The following EMG1 variants were observed in gnomAD, a reference collection of about 807,000 sequenced individuals.
The protein encoded by EMG1 is EMG1 N1-specific pseudouridine methyltransferase.
Under a neutral mutation model 26.9 loss-of-function variants are expected in EMG1, and 24 were observed. The observed-to-expected ratio is 0.89, with a 90% CI of 0.65 to 1.26. The LOEUF (loss-of-function observed/expected upper bound fraction) is 1.26, where lower values mean the gene tolerates loss of function less well. Ranked by LOEUF, EMG1 falls within the 50% of genes most tolerant of loss-of-function variation. The pLI is 0.00. For synonymous variants in EMG1, 140 were observed against 112.6 expected (o/e 1.24, Z -1.54); for missense variants, 299 against 307.6 (o/e 0.97, Z 0.21).
Position 6,975,259 on chromosome 12 carries a change from C to A in EMG1, c.502C>A (p.Pro168Thr). The A allele has an allele frequency of 6.2e-7, 1 of 1,613,714 alleles. No homozygotes were observed. Among genetic ancestry groups the A allele is most frequent in the Non-Finnish European group, 8.5e-7 (1 of 1,179,728 alleles). The change falls in exon 5 of 6, where the codon CCA becomes ACA. Residue 168 changes from proline to threonine, a missense_variant. Transcript: ENST00000599672. ...TAAGAATCCAGTATCAGATCACTTT[C>A]CAGTTGGATGTATGAAAGTTGGCAC... is the stretch of plus-strand genomic sequence containing the variant. The part of the protein sequence containing the change: ...VIKNPVSDHF[P>T]VGCMKVGTSF...
chr12:6,980,919 A>G (rs1946464064), downstream of EMG1: 13 of 1,362,520 alleles, frequency 9.5e-6, no homozygotes, highest in Non-Finnish European at 1.2e-5. Flanking sequence ...TGCCAGGGTC[A>G]TGCTGGAGAA....
chr12:6,971,290 T>G (rs75079389), intron 1 of EMG1, among the ~76,000 whole-genome samples, 199 bp downstream of exon 1: 1 of 150,884 alleles, frequency 6.6e-6, no homozygotes, highest in East Asian at 1.9e-4. Context: ...TTTTTTTTTT[T>G]TGAGACGGAG....
At position 6,979,682 on chromosome 12, in the gene EMG1, C is replaced by G. The variant is rs1266337361; in HGVS notation, c.*3873C>G. 36 of 778,540 alleles carry G rather than the reference C, an allele frequency of 4.6e-5. No individual in the cohort carries two copies. Among genetic ancestry groups the G allele is most frequent in the Middle Eastern group, 2.3e-4 (1 of 4,410 alleles). 48.2% of individuals were successfully genotyped at this position (778,540 alleles called of 1,614,324 possible). ...GAGGAGTGTTTAGGGGTGTGGTTGT[C>G]TACCTGGAATGGGATGAGAAGCTCT... is the stretch of plus-strand genomic sequence containing the variant. On this transcript the variant is annotated 3_prime_UTR_variant, in exon 6 of 6. Coordinates refer to ENST00000599672, the MANE Select transcript of EMG1 (RefSeq NM_006331.8).
intron 6 of EMG1, among the ~76,000 whole-genome samples, chr12:6,985,771 GTTT>G (rs1220627223): frequency 7.4e-6 from 1 of 135,680 alleles, no homozygotes; most frequent in Non-Finnish European, 1.6e-5. Flanking sequence ...ATCAACTGGT[GTTT>G]TTTTTTTTTT....
chr12:6,972,965 G>A (rs782780131), intron 1 of EMG1, among the ~76,000 whole-genome samples: 15 of 151,530 alleles, frequency 9.9e-5, no homozygotes, highest in African/African-American at 3.1e-4. Flanking sequence ...ATCCTCCTGA[G>A]TAACTGGGAC....
rs1851401591 is a variant in EMG1 at position 6,977,816 on chromosome 12, C to T, written c.*2007C>T. On this transcript the variant is annotated 3_prime_UTR_variant, in exon 6 of 6. Transcript: ENST00000599672. The surrounding 1 kb of genome is among the most constrained non-coding windows in gnomAD (Gnocchi z 4.5). ...TGCATCCCGCCACCTGCCTCTGGGT[C>T]CTCACCCTGAGGATTGGATTGGAGT... The T allele has an allele frequency of 7.7e-6, 12 of 1,566,304 alleles. No individual in the cohort carries two copies. The highest frequency in any genetic ancestry group is 3.5e-4 in the Middle Eastern group (2 of 5,668).
intron 1 of EMG1, among the ~76,000 whole-genome samples, 161 bp from the exon 2 acceptor site, chr12:6,974,178 C>T (rs137975716): frequency 6.6e-6 from 1 of 152,234 alleles, no homozygotes; most frequent in Non-Finnish European, 1.5e-5. Flanking sequence ...GGCTCCACCC[C>T]CAGTGTTCCT....
chr12:6,997,072 C>G (rs1946642878), intron 7 of EMG1, among the ~76,000 whole-genome samples: 1 of 152,160 alleles, frequency 6.6e-6, no homozygotes, highest in African/African-American at 2.4e-5. Flanking sequence ...GATGTTTATG[C>G]CACTGATATA....
Position 6,974,603 on chromosome 12 carries a change from GT to G in EMG1, c.325del (p.Tyr109IlefsTer9). On this transcript the variant is annotated frameshift_variant, in exon 3 of 6. Transcript: ENST00000599672. LOFTEE classifies it high-confidence loss of function. ...SPLNRAGLLQVYIHTQKNVLI... is the reference protein window; with the variant it reads ...SPLNRAGLLQXYIHTQKNVLI... The stretch of plus-strand genomic sequence containing the variant: ...CCTGAACCGAGCTGGCTTGCTACAG[GT>G]TTATATCCATACACAGAAGAATGTT... 1 of 1,613,988 alleles carries G rather than the reference GT, an allele frequency of 6.2e-7. No homozygotes were observed.
chr12:6,975,396 C>A lies in EMG1; in HGVS notation c.621+18C>A. On this transcript the variant is annotated intron_variant, in intron 5 of 5. Transcript: ENST00000599672. The stretch of plus-strand genomic sequence containing the variant: ...ATGGCAAGGTAAGGTCTGGGCTCAA[C>A]CCTGAAATTCTTGGTAGAGCTGAAC... The A allele has an allele frequency of 6.4e-7, 1 of 1,573,948 alleles. No individual in the cohort carries two copies. Among genetic ancestry groups the A allele is most frequent in the East Asian group, 2.3e-5 (1 of 43,854 alleles).
chr12:6,974,875 G>A, intron 3 of EMG1, 182 bp downstream of exon 3: 1 of 814,842 alleles, frequency 1.2e-6, no homozygotes, highest in Middle Eastern at 3.1e-4. Flanking sequence ...TGTTCTTGCA[G>A]TAGCTTCCTG....
Position 6,975,640 on chromosome 12 carries a change from G to T in EMG1, c.622-56G>T, listed in dbSNP as rs1010493218. 4 of 1,224,744 alleles carry T rather than the reference G, an allele frequency of 3.3e-6. No individual in the cohort carries two copies. In the Admixed American group the frequency reaches 5.0e-5, roughly 15 times the overall value. The allele number at this position is 1,224,744 out of a possible 1,614,324, so 75.9% of individuals were successfully genotyped here. A position where few individuals can be genotyped will look rare whatever the true frequency, so the allele number is the denominator to read the frequency against. On this transcript the variant is annotated intron_variant, in intron 5 of 5. Coordinates refer to ENST00000599672, the MANE Select transcript of EMG1 (RefSeq NM_006331.8). The stretch of plus-strand genomic sequence containing the variant: ...GCCATAGTTTTCCTGCCCTAAAGAA[G>T]GGCTGAAACAGCTACTGAGTGACAG...
Position 6,978,277 on chromosome 12 carries a change from C to T in EMG1, c.*2468C>T, listed in dbSNP as rs1238717452. The stretch of plus-strand genomic sequence containing the variant: ...TAGGGGTGACATGGTACACCCCTGC[C>T]CTCCAATCTGGGAAGACAGTGGAAG... On this transcript the variant is annotated 3_prime_UTR_variant, in exon 6 of 6. Transcript: ENST00000599672. The T allele has an allele frequency of 3.5e-5, 54 of 1,542,362 alleles. No individual in the cohort carries two copies. The highest frequency in any genetic ancestry group is 4.6e-5 in the Non-Finnish European group (52 of 1,140,214).
chr12:6,981,546 T>C, downstream of EMG1: 2 of 1,593,538 alleles, frequency 1.3e-6, no homozygotes, highest in Non-Finnish European at 1.7e-6. Context: ...AACTTTTTTC[T>C]TCCCTTTCAT....
Position 6,976,739 on chromosome 12 carries a change from C to CTTCA in EMG1, c.*932_*933insCATT, listed in dbSNP as rs1946407448. ...CGCCTTCTCCAAAAAAAAGTTTCCC[C>CTTCA]TTTGGCCCCAAATGAAGACTTGGCT... On this transcript the variant is annotated 3_prime_UTR_variant, in exon 6 of 6. Transcript: ENST00000599672. 2 of 161,852 alleles carry CTTCA rather than the reference C, an allele frequency of 1.2e-5. No individual in the cohort carries two copies. Among genetic ancestry groups the CTTCA allele is most frequent in the Non-Finnish European group, 2.7e-5 (2 of 73,552 alleles). The allele number at this position is 161,852 out of a possible 1,614,324, so 10.0% of individuals were successfully genotyped here.
intron 7 of EMG1, among the ~76,000 whole-genome samples, chr12:6,994,839 A>G (rs1308089080): frequency 6.6e-6 from 1 of 152,072 alleles, no homozygotes; most frequent in Non-Finnish European, 1.5e-5. Context: ...CGTTTCTTTC[A>G]CCGAAGGCAT....
At chr12:6,979,968 C>G (rs782249519), downstream of EMG1, 82 of 174,092 alleles carry the variant, frequency 4.7e-4, no homozygotes, top group African/African-American at 2.0e-3. Flanking sequence ...TGAATTGATG[C>G]TGAAACACAG....
chr12:6,995,443 C>T (rs1946628362), intron 7 of EMG1, among the ~76,000 whole-genome samples: 2 of 151,112 alleles, frequency 1.3e-5, no homozygotes, highest in South Asian at 4.2e-4. Context: ...CACTGTACTC[C>T]AGCCTGGGCA....
At chr12:6,990,212 AAAT>A (rs1456422463), downstream of EMG1, among the ~76,000 whole-genome samples, 3 of 149,144 alleles carry the variant, frequency 2.0e-5, no homozygotes, top group Non-Finnish European at 3.0e-5. Context: ...AAATAAATAA[AAAT>A]AAAAAAAATA....
Sources: gnomAD v4.1 joint callset for allele counts (sites outside exome capture counted in the v4.1 genomes callset) on GRCh38, gnomAD v4.1.1 for gene constraint, Gnocchi (gnomAD v3.1) non-coding constraint, MANE v1.5 for transcripts, NCBI Gene and HGNC (gene_info 2026-07-23, HGNC 2026-07-21) for gene names.